OGFRL1: variants seen among roughly 807,000 people sequenced by gnomAD.
The protein encoded by OGFRL1 is opioid growth factor receptor-like protein 1.
OGFRL1 carries 26 observed loss-of-function variants against 32.4 expected under a neutral mutation model. The ratio of observed to expected loss-of-function variants is 0.80; its 90% confidence interval spans 0.59 to 1.11. The LOEUF (loss-of-function observed/expected upper bound fraction) is 1.11, where lower values mean the gene tolerates loss of function less well. Among genes scored for constraint, OGFRL1 ranks in the 50% most tolerant of loss-of-function variants. The pLI is 0.00. For synonymous variants in OGFRL1, 211 were observed against 201.2 expected (o/e 1.05, Z -0.41); for missense variants, 521 against 546.4 (o/e 0.95, Z 0.46).
chr6:71,301,549 A>T lies in OGFRL1; in HGVS notation c.856A>T (p.Thr286Ser). The change falls in exon 7 of 7, where the codon ACA (threonine) becomes TCA (serine). Residue 286 changes from threonine to serine, a missense_variant. Coordinates refer to ENST00000370435, the MANE Select transcript of OGFRL1 (RefSeq NM_024576.5). ...GAGTGCTCTAGAGTATTTTGTTTAT[A>T]CAATTAGAGACAGAAGAGAAAGGAG... is the stretch of plus-strand genomic sequence containing the variant. ...KQSALEYFVY[T>S]IRDRRERRKL... 6.2e-7 allele frequency: 1 copy of T among 1,614,190 alleles called. No homozygotes were observed. The highest frequency in any genetic ancestry group is 8.5e-7 in the Non-Finnish European group (1 of 1,180,036).
At chr6:71,293,645 A>T in intron 3 of OGFRL1, 34 bp downstream of exon 3, 1 of 1,320,840 alleles carries the variant, frequency 7.6e-7, no homozygotes, top group Non-Finnish European at 1.1e-6. Context: ...ATTGCACTTT[A>T]AATAATCACA....
At position 71,296,545 on chromosome 6, in the gene OGFRL1, C is replaced by G; in HGVS notation, c.530C>G (p.Thr177Ser). ...QGLNFYAKEL[T>S]TYEIEEFKKT... ...TTGAACTTCTATGCCAAAGAACTAA[C>G]TACATATGAAATTGAGGTAATGCAA... The change falls in exon 5 of 7, where the codon ACT (threonine) becomes AGT (serine). Residue 177 changes from threonine to serine, a missense_variant. By Grantham distance (58) the Thr-to-Ser change is moderately conservative. Coordinates refer to ENST00000370435, the MANE Select transcript of OGFRL1 (RefSeq NM_024576.5). 1 of 1,611,938 alleles carries G rather than the reference C, an allele frequency of 6.2e-7. No homozygotes were observed. Among genetic ancestry groups the G allele is most frequent in the African/African-American group, 1.3e-5 (1 of 74,974 alleles).
chr6:71,289,062 C>A lies in OGFRL1; in HGVS notation c.126C>A (p.Gly42=). 1.6e-6 allele frequency: 2 copies of A among 1,262,016 alleles called. No homozygotes were observed. Among genetic ancestry groups the A allele is most frequent in the Non-Finnish European group, 2.0e-6 (2 of 988,062 alleles). 78.2% of individuals were successfully genotyped at this position (1,262,016 alleles called of 1,614,324 possible). ...EEPGPGGGSE[G]PGQESEQPAQ... Reference sequence around the variant, plus strand: ...CAGGGCCGGGCGGCGGCAGCGAGGGCCCGGGGCAGGAGTCCGAGCAGCCCG... The same window carrying A: ...CAGGGCCGGGCGGCGGCAGCGAGGGACCGGGGCAGGAGTCCGAGCAGCCCG... The change falls in exon 1 of 7, where the codon GGC becomes GGA. Residue 42 remains glycine, a synonymous_variant. Coordinates refer to ENST00000370435, the MANE Select transcript of OGFRL1 (RefSeq NM_024576.5).
intron 6 of OGFRL1, among the ~76,000 whole-genome samples, chr6:71,300,462 C>T (rs1260255289): frequency 6.6e-6 from 1 of 151,616 alleles, no homozygotes; most frequent in Non-Finnish European, 1.5e-5. Flanking sequence ...GGAATCAAGA[C>T]CATTAGAAAT....
At chr6:71,292,614 T>C (rs1365714855) in intron 1 of OGFRL1, among the ~76,000 whole-genome samples, 1 of 152,210 alleles carries the variant, frequency 6.6e-6, no homozygotes, top group African/African-American at 2.4e-5. Context: ...TAAACTACCA[T>C]GTATAAGTTG....
At position 71,301,429 on chromosome 6, in the gene OGFRL1, C is replaced by G; in HGVS notation, c.736C>G (p.Leu246Val). Residue 246 changes from leucine (L) to valine (V), a missense_variant, in exon 7 of 7, where the codon CTT becomes GTT. Leu to Val is a conservative substitution (Grantham distance 32, BLOSUM62 1). Transcript: ENST00000370435. ...AAGAATCACTCGTATTCTTAAAAGC[C>G]TTGGTGAGCTTGGATATGAAAGTTT... is the stretch of plus-strand genomic sequence containing the variant. ...YLRITRILKS[L>V]GELGYESFKS... 1 of 1,606,774 alleles carries G rather than the reference C, an allele frequency of 6.2e-7. No homozygotes were observed. Among genetic ancestry groups the G allele is most frequent in the Non-Finnish European group, 8.5e-7 (1 of 1,177,974 alleles).
intron 1 of OGFRL1, chr6:71,291,780 A>G (rs1057056339): frequency 6.6e-6 from 1 of 152,240 alleles, no homozygotes; most frequent in African/African-American, 2.4e-5. Context: ...CACAAATACA[A>G]GTAAGCAGCG....
At chr6:71,289,364 G>A (rs1385183716) in intron 1 of OGFRL1, 194 bp downstream of exon 1, 2 of 984,068 alleles carry the variant, frequency 2.0e-6, no homozygotes, top group African/African-American at 1.8e-5. Context: ...CAAAGCGCCG[G>A]ACCCTCCCAC....
At chr6:71,294,576 C>T (rs1185231731) in intron 3 of OGFRL1, among the ~76,000 whole-genome samples, 2 of 152,188 alleles carry the variant, frequency 1.3e-5, no homozygotes, top group Non-Finnish European at 2.9e-5. Context: ...TACCAACAGA[C>T]CTACCAGTTG....
chr6:71,289,282 G>A, intron 1 of OGFRL1, 112 bp downstream of exon 1: 1 of 1,011,094 alleles, frequency 9.9e-7, no homozygotes, highest in Non-Finnish European at 1.2e-6. Flanking sequence ...GTGGCTGCTC[G>A]CCGCTGCGAC....
In OGFRL1 at chr6:71,305,568, A is replaced by G. The variant is rs981939036; in HGVS notation, c.*3519A>G. On this transcript the variant is annotated 3_prime_UTR_variant, in exon 7 of 7. Transcript: ENST00000370435. ...GCTTCAATGAGAAAATAAAATCTAC[A>G]ACTCAGGAGTTACTAGAGAAGTTCT... is the stretch of plus-strand genomic sequence containing the variant. 4 of 152,134 alleles carry G rather than the reference A, an allele frequency of 2.6e-5. No individual in the cohort carries two copies. The highest frequency in any genetic ancestry group is 9.6e-5 in the African/African-American group (4 of 41,456). 9.4% of individuals were successfully genotyped at this position (152,134 alleles called of 1,614,324 possible).
chr6:71,295,694 C>T (rs1766182349), intron 3 of OGFRL1: 1 of 152,212 alleles, frequency 6.6e-6, no homozygotes, highest in Non-Finnish European at 1.5e-5. Flanking sequence ...AATATGGGCA[C>T]AGCATGTAGT....
Position 71,296,567 on chromosome 6 carries a change from G to A in OGFRL1, c.546+6G>A. ...TAACTACATATGAAATTGAGGTAATGCAAGCTCATTTCATTTTATACAGGG... is the reference window on the plus strand; with the variant it reads ...TAACTACATATGAAATTGAGGTAATACAAGCTCATTTCATTTTATACAGGG... On this transcript the variant is annotated splice_donor_region_variant and intron_variant, in intron 5 of 6. Transcript: ENST00000370435. 2 of 1,610,950 alleles carry A rather than the reference G, an allele frequency of 1.2e-6. No homozygotes were observed. Among genetic ancestry groups the A allele is most frequent in the Non-Finnish European group, 1.7e-6 (2 of 1,178,680 alleles).
intron 1 of OGFRL1, chr6:71,289,532 T>C: frequency 1.3e-6 from 1 of 765,670 alleles, no homozygotes; most frequent in East Asian, 1.5e-4. Context: ...ACAACCCCTC[T>C]AGTGTGTGTT....
chr6:71,298,135 A>G (rs909816534), intron 6 of OGFRL1, among the ~76,000 whole-genome samples: 1 of 152,056 alleles, frequency 6.6e-6, no homozygotes, highest in African/African-American at 2.4e-5. Context: ...CGCTAAAGAT[A>G]TGGGCATAAA....
In OGFRL1 at chr6:71,306,737, CTGTTA is replaced by C. The variant is rs1202300012; in HGVS notation, c.*4690_*4694del. 1 of 152,108 alleles carries C rather than the reference CTGTTA, an allele frequency of 6.6e-6. No homozygotes were observed. The highest frequency in any genetic ancestry group is 1.5e-5 in the Non-Finnish European group (1 of 68,020). The allele number at this position is 152,108 out of a possible 1,614,324, so 9.4% of individuals were successfully genotyped here. A position where few individuals can be genotyped will look rare whatever the true frequency, so the allele number is the denominator to read the frequency against. On this transcript the variant is annotated 3_prime_UTR_variant, in exon 7 of 7. Coordinates refer to ENST00000370435, the MANE Select transcript of OGFRL1 (RefSeq NM_024576.5). Reference sequence around the variant, plus strand: ...GAGTAAGAAAGACTAACTATACTGTCTGTTATATTTATTTATGCTTTTTGTAGTTT... The same window carrying C: ...GAGTAAGAAAGACTAACTATACTGTCTATTTATTTATGCTTTTTGTAGTTT...
At chr6:71,289,310 CG>C in intron 1 of OGFRL1, 140 bp downstream of exon 1, 1 of 1,010,352 alleles carries the variant, frequency 9.9e-7, no homozygotes, top group Non-Finnish European at 1.2e-6. Context: ...CTCCGCGCCG[CG>C]GCTGACCTGT....
chr6:71,301,876 GAGA>G lies in OGFRL1; in HGVS notation c.1186_1188del (p.Lys396del), dbSNP rs34358027. 0.03 allele frequency: 47,641 copies of G among 1,613,652 alleles called. 883 individuals are homozygous for G. The highest frequency in any genetic ancestry group is 0.034 in the Non-Finnish European group (40,116 of 1,179,890). On this transcript the variant is annotated inframe_deletion, in exon 7 of 7. Transcript: ENST00000370435. Reference sequence around the variant, plus strand: ...TGAAGCTGCCAAGCCAAGAAATACAGAGAAGGACAGTAATGCTGAGAACATGAA... The same window carrying G: ...TGAAGCTGCCAAGCCAAGAAATACAGAGGACAGTAATGCTGAGAACATGAA...
intron 1 of OGFRL1, among the ~76,000 whole-genome samples, chr6:71,289,972 C>A (rs1765996989): frequency 6.6e-6 from 1 of 152,070 alleles, no homozygotes; most frequent in African/African-American, 2.4e-5. Context: ...CAGCTAGGGG[C>A]GATGGAGATT....
Sources: allele counts gnomAD v4.1 joint callset (sites outside exome capture counted in the v4.1 genomes callset), GRCh38; gene constraint gnomAD v4.1.1; transcripts MANE v1.5; gene names NCBI Gene and HGNC (gene_info 2026-07-23, HGNC 2026-07-21).